The following JPH3 variants were observed in gnomAD, a reference collection of about 807,000 sequenced individuals.
The protein encoded by JPH3 is junctophilin-3.
In JPH3, 11 loss-of-function variants were observed where a neutral mutation model predicts 59.6. The observed-to-expected ratio is 0.18, with a 90% CI of 0.12 to 0.31. JPH3 has a LOEUF of 0.31. Ranked by LOEUF, JPH3 falls within the 10% of genes least tolerant of loss-of-function variation. The pLI is 1.00. For missense variants in JPH3, 1,202 were observed against 1,105.7 expected (o/e 1.09, Z -1.24); for synonymous variants, 673 against 483.6 (o/e 1.39, Z -5.14).
chr16:87,643,163 C>G (rs575698249), intron 1 of JPH3, among the ~76,000 whole-genome samples: 1 of 152,230 alleles, frequency 6.6e-6, no homozygotes, highest in Non-Finnish European at 1.5e-5. Flanking sequence ...GTGCCCAGCT[C>G]AGTTCACTCT....
At chr16:87,631,904 C>T (rs73234368) in intron 1 of JPH3, among the ~76,000 whole-genome samples, 4,479 of 152,192 alleles carry the variant, frequency 0.029, 234 homozygotes, top group African/African-American at 0.1. Flanking sequence ...ATTTTATTCT[C>T]ATTTTGTATT....
At chr16:87,606,815 T>A (rs2030538459) in intron 1 of JPH3, among the ~76,000 whole-genome samples, 2 of 152,212 alleles carry the variant, frequency 1.3e-5, no homozygotes, top group South Asian at 2.1e-4. Context: ...CTGGTGATCA[T>A]GTAAATGATG....
intron 4 of JPH3, among the ~76,000 whole-genome samples, chr16:87,691,855 G>A (rs999029553): frequency 3.3e-5 from 5 of 152,094 alleles, no homozygotes; most frequent in South Asian, 4.2e-4. Flanking sequence ...GTGGCTGTGC[G>A]CGCGCGGTTA....
At chr16:87,616,439 A>G (rs2030974142) in intron 1 of JPH3, among the ~76,000 whole-genome samples, 1 of 150,220 alleles carries the variant, frequency 6.7e-6, no homozygotes, top group South Asian at 2.1e-4. Flanking sequence ...TTTAGTAAAG[A>G]CAGGGTTTCA....
intron 1 of JPH3, chr16:87,604,443 G>T: frequency 7.2e-7 from 1 of 1,380,082 alleles, no homozygotes; most frequent in Non-Finnish European, 9.5e-7. Flanking sequence ...GTCCTTTCCT[G>T]GAAGCCAGAC....
At chr16:87,662,898 C>T (rs373423474) in intron 2 of JPH3, among the ~76,000 whole-genome samples, 1 of 152,236 alleles carries the variant, frequency 6.6e-6, no homozygotes. Context: ...CAGGGAAAAG[C>T]ACCGGCTCCT....
chr16:87,688,083 A>G (rs888111672), intron 3 of JPH3, among the ~76,000 whole-genome samples: 1 of 152,098 alleles, frequency 6.6e-6, no homozygotes, highest in Non-Finnish European at 1.5e-5. Flanking sequence ...ACAGTTCTAC[A>G]CAGACCTTCT....
At position 87,696,828 on chromosome 16, in the gene JPH3, T is replaced by C. The variant is rs2033882382; in HGVS notation, c.*168T>C. On this transcript the variant is annotated 3_prime_UTR_variant, in exon 5 of 5. Transcript: ENST00000284262. ...GTATCACTCACAGTTTGCCTTTTTT[T>C]CTGGGTAATGTTTTTTGGATTTTAG... 6.3e-6 allele frequency: 4 copies of C among 631,708 alleles called. No individual in the cohort carries two copies. In the East Asian group the frequency reaches 1.1e-4, roughly 17 times the overall value. The allele number at this position is 631,708 out of a possible 1,614,324, so 39.1% of individuals were successfully genotyped here.
At chr16:87,687,575 A>C (rs1162645562) in intron 3 of JPH3, among the ~76,000 whole-genome samples, 1 of 152,188 alleles carries the variant, frequency 6.6e-6, no homozygotes, top group Non-Finnish European at 1.5e-5. Flanking sequence ...CCCGCCCCAG[A>C]GGCAGGAGGA....
At chr16:87,617,910 C>T (rs958032437) in intron 1 of JPH3, among the ~76,000 whole-genome samples, 3 of 152,006 alleles carry the variant, frequency 2.0e-5, no homozygotes, top group African/African-American at 7.3e-5. Flanking sequence ...TGCCTGTAAT[C>T]CCAGCACTTT....
At chr16:87,605,641 C>G (rs553987369) in intron 1 of JPH3, among the ~76,000 whole-genome samples, 1 of 152,330 alleles carries the variant, frequency 6.6e-6, no homozygotes, top group Non-Finnish European at 1.5e-5. Context: ...TCCAGCCAGA[C>G]AGCTCCCTCA....
chr16:87,688,897 C>T (rs925057687), intron 3 of JPH3, among the ~76,000 whole-genome samples: 4 of 152,214 alleles, frequency 2.6e-5, no homozygotes, highest in Non-Finnish European at 5.9e-5. Context: ...TTCTCACCTC[C>T]TGCTGGGGGC....
rs555802817 is a variant in JPH3 at position 87,664,878 on chromosome 16, G to A, written c.1161-19264G>A. On this transcript the variant is annotated intron_variant, in intron 2 of 4. Transcript: ENST00000284262. ...CCTGTATGCAGAGGCCCAAGGAAGCGTCATGAGGACCCAGGTCACCAGTGC... is the reference window on the plus strand; with the variant it reads ...CCTGTATGCAGAGGCCCAAGGAAGCATCATGAGGACCCAGGTCACCAGTGC... 6.6e-5 allele frequency among the ~76,000 whole-genome samples: 10 copies of A among 152,278 alleles called. No homozygotes were observed. The East Asian group carries it at 1.2e-3, about 18-fold the overall frequency.
chr16:87,613,190 G>A (rs1341202645), intron 1 of JPH3, among the ~76,000 whole-genome samples: 8 of 146,572 alleles, frequency 5.5e-5, no homozygotes, highest in African/African-American at 7.5e-5. Context: ...TCCGCCTGCC[G>A]GATTCACGCC....
chr16:87,659,877 C>T (rs563156903), intron 2 of JPH3, among the ~76,000 whole-genome samples: 1 of 152,314 alleles, frequency 6.6e-6, no homozygotes, highest in South Asian at 2.1e-4. Flanking sequence ...CACTAACTCC[C>T]CCTCCCAGGT....
chr16:87,660,466 C>T (rs905927430), intron 2 of JPH3, among the ~76,000 whole-genome samples: 8 of 152,258 alleles, frequency 5.3e-5, no homozygotes, highest in Middle Eastern at 3.4e-3. Flanking sequence ...AATTCGGTTC[C>T]GTGCTCCCCT....
At position 87,696,812 on chromosome 16, in the gene JPH3, A is replaced by G. The variant is rs2033881393; in HGVS notation, c.*152A>G. The G allele has an allele frequency of 1.5e-6, 1 of 657,776 alleles. No homozygotes were observed. The highest frequency in any genetic ancestry group is 2.7e-6 in the Non-Finnish European group (1 of 375,240). The allele number at this position is 657,776 out of a possible 1,614,324, so 40.7% of individuals were successfully genotyped here. A position where few individuals can be genotyped will look rare whatever the true frequency, so the allele number is the denominator to read the frequency against. Reference sequence around the variant, plus strand: ...AGAACCACACGATTGGGTATCACTCACAGTTTGCCTTTTTTTCTGGGTAAT... The same window carrying G: ...AGAACCACACGATTGGGTATCACTCGCAGTTTGCCTTTTTTTCTGGGTAAT... On this transcript the variant is annotated 3_prime_UTR_variant, in exon 5 of 5. Coordinates refer to ENST00000284262, the MANE Select transcript of JPH3 (RefSeq NM_020655.4).
Position 87,603,182 on chromosome 16 carries a change from A to G in JPH3, c.36A>G (p.Gly12=). The change falls in exon 1 of 5, where the codon GGA becomes GGG. Residue 12 remains glycine, a synonymous_variant. Transcript: ENST00000284262. The stretch of plus-strand genomic sequence containing the variant: ...GGGGCAGGTTTAATTTTGACGACGG[A>G]GGGTCCTACTGTGGAGGCTGGGAGG... The part of the protein sequence containing the change: ...SSGGRFNFDD[G]GSYCGGWEDG... 6.2e-7 allele frequency: 1 copy of G among 1,613,904 alleles called. No individual in the cohort carries two copies. Among genetic ancestry groups the G allele is most frequent in the Non-Finnish European group, 8.5e-7 (1 of 1,179,910 alleles).
intron 1 of JPH3, among the ~76,000 whole-genome samples, chr16:87,624,688 T>G (rs780365491): frequency 5.3e-5 from 8 of 152,240 alleles, no homozygotes; most frequent in Non-Finnish European, 1.2e-4. Context: ...TTGCGTCCTT[T>G]CGTTTCCTCC....
Sources: allele counts gnomAD v4.1 joint callset (sites outside exome capture counted in the v4.1 genomes callset), GRCh38; gene constraint gnomAD v4.1.1; transcripts MANE v1.5; gene names NCBI Gene and HGNC (gene_info 2026-07-23, HGNC 2026-07-21).